Variants in ABAT observed in about 807,000 individuals in gnomAD.
The protein encoded by ABAT is 4-aminobutyrate aminotransferase, also known as 4-aminobutyrate aminotransferase, mitochondrial.
ABAT carries 45 observed loss-of-function variants against 64.6 expected under a neutral mutation model. The observed-to-expected ratio is 0.70, with a 90% CI of 0.55 to 0.89. The LOEUF is 0.89. Ranked by LOEUF, ABAT falls within the 40% of genes least tolerant of loss-of-function variation. The pLI is 0.00. For missense variants in ABAT, 633 were observed against 658.4 expected (o/e 0.96, Z 0.42); for synonymous variants, 297 against 250.5 (o/e 1.19, Z -1.75).
At chr16:8,739,318 A>G (rs184857760) in intron 2 of ABAT, among the ~76,000 whole-genome samples, 17 of 152,340 alleles carry the variant, frequency 1.1e-4, no homozygotes, top group African/African-American at 3.8e-4. Flanking sequence ...ACATTAACCA[A>G]GTGAGCCTAA....
At chr16:8,684,006 T>C (rs2057394630) in intron 1 of ABAT, among the ~76,000 whole-genome samples, 1 of 152,018 alleles carries the variant, frequency 6.6e-6, no homozygotes, top group East Asian at 1.9e-4. Flanking sequence ...AAGACTCAGC[T>C]ACTACACCAG....
chr16:8,771,845 G>A (rs1016726224), intron 11 of ABAT, among the ~76,000 whole-genome samples: 3 of 151,900 alleles, frequency 2.0e-5, no homozygotes, highest in South Asian at 2.1e-4. Flanking sequence ...AGCTCACTGC[G>A]ATCTCACAGT....
At chr16:8,718,566 C>A (rs2058277042) in intron 1 of ABAT, among the ~76,000 whole-genome samples, 1 of 152,184 alleles carries the variant, frequency 6.6e-6, no homozygotes, top group African/African-American at 2.4e-5. Context: ...TAGCCAGACA[C>A]CGTTCTGGAC....
chr16:8,754,770 G>A (rs1406740432), intron 5 of ABAT, among the ~76,000 whole-genome samples: 1 of 150,120 alleles, frequency 6.7e-6, no homozygotes, highest in Non-Finnish European at 1.5e-5. Flanking sequence ...CCAGGCTGGA[G>A]TGCAGTGGCA....
intron 3 of ABAT, among the ~76,000 whole-genome samples, chr16:8,746,840 C>T (rs2059347012): frequency 6.6e-6 from 1 of 152,164 alleles, no homozygotes; most frequent in Non-Finnish European, 1.5e-5. Flanking sequence ...GCCAATTGCT[C>T]GTGCATTTAA....
At position 8,759,368 on chromosome 16, in the gene ABAT, A is replaced by AC. The variant is rs1555491214; in HGVS notation, c.366+1562_366+1563insC. ...GTGCTTTACATGGAACAGAGTAAAA[A>AC]ATTTTTTTTTTTTACTCCCACTGAG... On this transcript the variant is annotated intron_variant, in intron 6 of 15. Transcript: ENST00000268251. 1.4e-3 allele frequency among the ~76,000 whole-genome samples: 209 copies of AC among 144,834 alleles called. 1 individual carries two copies. The highest frequency in any genetic ancestry group is 5.0e-3 in the African/African-American group (194 of 39,002).
Position 8,743,333 on chromosome 16 carries a change from TGTGTG to T in ABAT, c.71-2667_71-2663del, listed in dbSNP as rs2059221001. On this transcript the variant is annotated intron_variant, in intron 2 of 15. Coordinates refer to ENST00000268251, the MANE Select transcript of ABAT (RefSeq NM_020686.6). Reference sequence around the variant, plus strand: ...ATGTGTGTCTCTGTGTGTGTGTGTGTGTGTGTGTGTGTGTGTGTGTCACGGGAGAT... The same window carrying T: ...ATGTGTGTCTCTGTGTGTGTGTGTGTTGTGTGTGTGTGTGTCACGGGAGAT... 2.5e-4 allele frequency among the ~76,000 whole-genome samples: 37 copies of T among 148,494 alleles called. No individual in the cohort carries two copies. The Admixed American group carries it at 2.5e-3, about 10-fold the overall frequency.
At chr16:8,770,557 A>G (rs1283363472) in intron 11 of ABAT, among the ~76,000 whole-genome samples, 2 of 152,128 alleles carry the variant, frequency 1.3e-5, no homozygotes, top group Admixed American at 6.6e-5. Flanking sequence ...CTCCCACCTC[A>G]GCTTCTTGAG....
rs1029211245 is a variant in ABAT, at chr16:8,776,865, C to A, written c.1269+375C>A. On this transcript the variant is annotated intron_variant, in intron 14 of 15. Coordinates refer to ENST00000268251, the MANE Select transcript of ABAT (RefSeq NM_020686.6). The surrounding 1 kb of genome is among the most constrained non-coding windows in gnomAD (Gnocchi z 4.4). ...AAGTGCTGGGCAGCGCCTGCCGGCACTGGTTATCTTTCTTATTTATTTTAT... is the reference window on the plus strand; with the variant it reads ...AAGTGCTGGGCAGCGCCTGCCGGCAATGGTTATCTTTCTTATTTATTTTAT... Among the ~76,000 whole-genome samples, 5 of 151,596 alleles carry A rather than the reference C, an allele frequency of 3.3e-5. No individual in the cohort carries two copies. Among genetic ancestry groups the A allele is most frequent in the Admixed American group, 2.0e-4 (3 of 15,242 alleles).
chr16:8,689,932 T>C (rs1021454327), intron 1 of ABAT, among the ~76,000 whole-genome samples: 5 of 152,188 alleles, frequency 3.3e-5, no homozygotes, highest in Non-Finnish European at 7.3e-5. Context: ...ATTCAACAGC[T>C]GGTTTTTATA....
In ABAT at chr16:8,764,223, A is replaced by G. The variant is rs1011459515; in HGVS notation, c.447+74A>G. The G allele has an allele frequency of 5.0e-6, 6 of 1,194,678 alleles. No individual in the cohort carries two copies. Among genetic ancestry groups the G allele is most frequent in the Middle Eastern group, 1.9e-4 (1 of 5,296 alleles). The allele number at this position is 1,194,678 out of a possible 1,614,324, so 74.0% of individuals were successfully genotyped here. ...GGGGAAGGGAAAAGTGGAGACGCCAACAATGAAGAATAAGGTGTTGCTACA... is the reference window on the plus strand; with the variant it reads ...GGGGAAGGGAAAAGTGGAGACGCCAGCAATGAAGAATAAGGTGTTGCTACA... On this transcript the variant is annotated intron_variant, in intron 7 of 15. Transcript: ENST00000268251. The surrounding 1 kb of genome is among the most constrained non-coding windows in gnomAD (Gnocchi z 4.2).
chr16:8,772,749 A>G (rs770388852), intron 11 of ABAT, 31 bp from the exon 12 acceptor site: 1 of 1,613,964 alleles, frequency 6.2e-7, no homozygotes, highest in South Asian at 1.1e-5. Context: ...AGCCTCTGCC[A>G]TCGGTGGTCA....
chr16:8,777,764 G>A (rs2060309600), intron 14 of ABAT, among the ~76,000 whole-genome samples: 1 of 152,150 alleles, frequency 6.6e-6, no homozygotes, highest in Non-Finnish European at 1.5e-5. Context: ...CTGAGCCTCA[G>A]TTTCCTTATC....
At chr16:8,747,948 A>G (rs942716106) in intron 3 of ABAT, among the ~76,000 whole-genome samples, 160 bp from the exon 4 acceptor site, 6 of 152,230 alleles carry the variant, frequency 3.9e-5, no homozygotes, top group Non-Finnish European at 8.8e-5. Flanking sequence ...CCTGCCAACT[A>G]TTTATATCAA....
At chr16:8,741,956 G>T (rs1016431243) in intron 2 of ABAT, among the ~76,000 whole-genome samples, 2 of 152,200 alleles carry the variant, frequency 1.3e-5, no homozygotes, top group East Asian at 3.8e-4. Flanking sequence ...CCTAAATAGG[G>T]CCAGCCTAGC....
chr16:8,719,159 G>A (rs1385306341), intron 1 of ABAT, among the ~76,000 whole-genome samples: 1 of 152,158 alleles, frequency 6.6e-6, no homozygotes, highest in Non-Finnish European at 1.5e-5. Flanking sequence ...GTTTACTGAG[G>A]AATCTCTGGG....
At chr16:8,725,061 C>T (rs573095994) in intron 1 of ABAT, among the ~76,000 whole-genome samples, 4 of 152,034 alleles carry the variant, frequency 2.6e-5, no homozygotes, top group Admixed American at 1.3e-4. Flanking sequence ...GGATTACAGG[C>T]GCCTGCCACC....
At chr16:8,734,700 T>G (rs2058860403) in intron 1 of ABAT, among the ~76,000 whole-genome samples, 1 of 152,230 alleles carries the variant, frequency 6.6e-6, no homozygotes, top group South Asian at 2.1e-4. Context: ...GTCGCTGTTC[T>G]GAGATACAAA....
At chr16:8,748,382 T>C (rs2059390757) in intron 4 of ABAT, among the ~76,000 whole-genome samples, 1 of 152,248 alleles carries the variant, frequency 6.6e-6, no homozygotes, top group Non-Finnish European at 1.5e-5. Context: ...TTTCATTCCA[T>C]TATGGTTGGA....
Sources: gnomAD v4.1 joint callset for allele counts (sites outside exome capture counted in the v4.1 genomes callset) on GRCh38, gnomAD v4.1.1 for gene constraint, Gnocchi (gnomAD v3.1) non-coding constraint, MANE v1.5 for transcripts, NCBI Gene and HGNC (gene_info 2026-07-23, HGNC 2026-07-21) for gene names.